The following CACNA1F variants were observed in gnomAD, a reference collection of about 807,000 sequenced individuals.
The protein encoded by CACNA1F is calcium voltage-gated channel subunit alpha1 F.
CACNA1F carries 59 observed loss-of-function variants against 143.8 expected under a neutral mutation model. The ratio of observed to expected loss-of-function variants is 0.41; its 90% CI spans 0.33 to 0.51. CACNA1F has a LOEUF of 0.51. CACNA1F is among the 20% of genes least tolerant of loss of function. The pLI is 0.22. For synonymous variants in CACNA1F, 643 were observed against 649.1 expected (o/e 0.99, Z 0.14); for missense variants, 1,411 against 1,647.5 (o/e 0.86, Z 2.48).
Position 49,226,021 on chromosome X carries a change from C to G in CACNA1F, c.1539G>C (p.Arg513=). ...ANRVLRARCR[R]AVKSNACYWA... is the part of the protein sequence containing the mutation. The stretch of plus-strand genomic sequence containing the variant: ...AGTAGCAGGCATTGGACTTCACTGC[C>G]CGACGGCAGCGTGCCCGAAGGACCC... Residue 513 remains arginine (R), a synonymous_variant, in exon 13 of 48, where the codon CGG becomes CGC. Coordinates refer to ENST00000323022, the MANE Select transcript of CACNA1F (RefSeq NM_001256789.3). 1 of 1,187,255 alleles carries G rather than the reference C, an allele frequency of 8.4e-7. No individual in the cohort carries two copies. The highest frequency in any genetic ancestry group is 1.1e-6 in the Non-Finnish European group (1 of 883,027).
chrX:49,218,605 G>A (rs1404070458), intron 23 of CACNA1F, 24 bp downstream of exon 23: 2 of 1,180,353 alleles, frequency 1.7e-6, no homozygotes, highest in Non-Finnish European at 2.3e-6. Context: ...GAGGAATGGG[G>A]TGGGCTGGGG....
intron 10 of CACNA1F, 54 bp from the exon 11 acceptor site, chrX:49,226,556 T>C: frequency 4.3e-6 from 5 of 1,160,847 alleles, no homozygotes; most frequent in Non-Finnish European, 4.6e-6. Context: ...AGGTCCAATC[T>C]TTGGCTTTCA....
Position 49,210,953 on chromosome X carries a change from T to C in CACNA1F, c.4388+12A>G. On this transcript the variant is annotated intron_variant, in intron 37 of 47. Coordinates refer to ENST00000323022, the MANE Select transcript of CACNA1F (RefSeq NM_001256789.3). The stretch of plus-strand genomic sequence containing the variant: ...GTCCCCTGGATTCTAGGTAAGGGTA[T>C]AGAGGGCATACTTGGCCCCAGGGTC... 8.3e-7 allele frequency: 1 copy of C among 1,202,293 alleles called. No individual in the cohort carries two copies. Among genetic ancestry groups the C allele is most frequent in the Non-Finnish European group, 1.1e-6 (1 of 889,928 alleles).
Position 49,226,669 on chromosome X carries a change from C to T in CACNA1F, c.1310G>A (p.Arg437His), listed in dbSNP as rs782781755. 2.0e-5 allele frequency: 24 copies of T among 1,181,211 alleles called. No homozygotes were observed. In the South Asian group the frequency reaches 3.4e-4, roughly 17 times the overall value. The change falls in exon 10 of 48, where the codon CGT becomes CAT. Residue 437 changes from arginine (R) to histidine (H), a missense_variant. This residue lies in a region of CACNA1F where 950 missense variants were observed against 1,128.1 expected (regional missense o/e 0.84). Transcript: ENST00000323022. Reference sequence around the variant, plus strand: ...ATGACTGAACCAGCGCAGACGTCCACGCCTCCTATTGGTCAGCTCGGCCAG... The same window carrying T: ...ATGACTGAACCAGCGCAGACGTCCATGCCTCCTATTGGTCAGCTCGGCCAG... ...PQLAELTNRR[R>H]GRLRWFSHST...
chrX:49,210,540 A>T (rs782423264), intron 38 of CACNA1F, 50 bp downstream of exon 38: 6 of 1,102,153 alleles, frequency 5.4e-6, no homozygotes, highest in Non-Finnish European at 7.5e-6. Flanking sequence ...CACCCTTGCC[A>T]TGTGATAGAC....
At chrX:49,215,001 CTTAAATGTT>C (rs2065696080) in intron 29 of CACNA1F, 76 bp downstream of exon 29, 1 of 933,918 alleles carries the variant, frequency 1.1e-6, no homozygotes, top group Non-Finnish European at 1.5e-6. Flanking sequence ...TATTTGCAGC[CTTAAATGTT>C]CCCAATGGTT....
At chrX:49,225,204 G>A (rs2065812388) in intron 13 of CACNA1F, among the ~76,000 whole-genome samples, 1 of 109,615 alleles carries the variant, frequency 9.1e-6, no homozygotes, top group African/African-American at 3.3e-5. Context: ...GTCGGGGTGG[G>A]GGCCAGAGTC....
At position 49,218,752 on chromosome X, in the gene CACNA1F, A is replaced by T; in HGVS notation, c.2734-17T>A. 5.1e-6 allele frequency: 4 copies of T among 777,999 alleles called. No homozygotes were observed. The highest frequency in any genetic ancestry group is 6.8e-6 in the Non-Finnish European group (4 of 587,426). The allele number at this position is 777,999 out of a possible 1,213,427, so 64.1% of individuals were successfully genotyped here. ...CACTGTCATCTGGGGACAGGACAAG[A>T]GGCTAGACTCAGACCTGGGGATGGT... is the stretch of plus-strand genomic sequence containing the variant. On this transcript the variant is annotated splice_polypyrimidine_tract_variant and intron_variant, in intron 22 of 47. Transcript: ENST00000323022.
chrX:49,208,022 C>T (rs1312153101), intron 43 of CACNA1F, among the ~76,000 whole-genome samples: 1 of 100,677 alleles, frequency 9.9e-6, no homozygotes, highest in East Asian at 3.1e-4. Context: ...GGCAAAACCT[C>T]GTCTCTACTG....
Position 49,211,110 on chromosome X carries a change from A to G in CACNA1F, c.4261-18T>C, listed in dbSNP as rs1557106140. On this transcript the variant is annotated intron_variant, in intron 36 of 47. Coordinates refer to ENST00000323022, the MANE Select transcript of CACNA1F (RefSeq NM_001256789.3). ...TTTATGATCTGTGGGCCAGTGAGCA[A>G]GGGAGCAGTTAGGTGAAGGGCAGAA... The G allele has an allele frequency of 2.5e-6, 3 of 1,208,861 alleles. No individual in the cohort carries two copies. The highest frequency in any genetic ancestry group is 3.4e-6 in the Non-Finnish European group (3 of 893,137).
chrX:49,205,903 G>A, intron 46 of CACNA1F, 90 bp from the exon 47 acceptor site: 3 of 793,352 alleles, frequency 3.8e-6, no homozygotes, highest in East Asian at 6.9e-5. Flanking sequence ...CTTTCCCTCA[G>A]TATACAACTG....
intron 31 of CACNA1F, among the ~76,000 whole-genome samples, chrX:49,213,230 T>C (rs1356421203): frequency 9.1e-6 from 1 of 110,212 alleles, no homozygotes; most frequent in African/African-American, 3.3e-5. Context: ...TTGGAGCCAA[T>C]AGAGGAAATG....
rs1557109904 is a variant in CACNA1F, at chrX:49,226,394, G to A, written c.1463+15C>T. 1 of 1,176,888 alleles carries A rather than the reference G, an allele frequency of 8.5e-7. No individual in the cohort carries two copies. The highest frequency in any genetic ancestry group is 3.1e-5 in the East Asian group (1 of 32,358). ...GACTGGCTTCTGGGCTGGGTCAGGG[G>A]CTGGGGGCCCTCACAGGCAGCGTGT... On this transcript the variant is annotated intron_variant, in intron 11 of 47. Transcript: ENST00000323022.
chrX:49,215,118 T>C lies in CACNA1F; in HGVS notation c.3565A>G (p.Ile1189Val). 2 of 1,210,822 alleles carry C rather than the reference T, an allele frequency of 1.7e-6. No individual in the cohort carries two copies. Among genetic ancestry groups the C allele is most frequent in the Non-Finnish European group, 2.2e-6 (2 of 894,873 alleles). The change falls in exon 29 of 48, where the codon ATC (isoleucine) becomes GTC (valine). Residue 1189 changes from isoleucine (I) to valine (V), a missense_variant. Transcript: ENST00000323022. Reference sequence around the variant, plus strand: ...GCTAGGGCAACTGTGTTGAGCAGGATGAGCAGGAACATCAGGTACTCAAAG... The same window carrying C: ...GCTAGGGCAACTGTGTTGAGCAGGACGAGCAGGAACATCAGGTACTCAAAG... ...AAFEYLMFLL[I>V]LLNTVALAMQ...
Position 49,223,107 on chromosome X carries a change from G to A in CACNA1F, c.1907C>T (p.Ala636Val). 1 of 1,201,731 alleles carries A rather than the reference G, an allele frequency of 8.3e-7. No homozygotes were observed. Among genetic ancestry groups the A allele is most frequent in the South Asian group, 1.8e-5 (1 of 55,341 alleles). The change falls in exon 15 of 48, where the codon GCA becomes GTA. Residue 636 changes from alanine (A) to valine (V), a missense_variant. This residue lies in a region of CACNA1F where 950 missense variants were observed against 1,128.1 expected (regional missense o/e 0.84). Transcript: ENST00000323022. The part of the protein sequence containing the change: ...RHWASLSNLV[A>V]SLLNSMKSIA... The stretch of plus-strand genomic sequence containing the variant: ...GGATTTCATTGAATTGAGCAGGGAT[G>A]CCACCAGATTGCTCAGAGAAGCCCA...
intron 7 of CACNA1F, 32 bp downstream of exon 7, chrX:49,228,219 C>T (rs782497188): frequency 2.5e-6 from 3 of 1,199,955 alleles, no homozygotes; most frequent in African/African-American, 1.7e-5. Context: ...GCAGGTGCAG[C>T]CTTTGAGCTC....
Position 49,226,705 on chromosome X carries a change from G to A in CACNA1F, c.1277-3C>T. ...GGTCAGCTCGGCCAGCTGTGGCCCT[G>A]CAGGGAGAGAAAGGACAATTAGGGA... On this transcript the variant is annotated splice_region_variant and splice_polypyrimidine_tract_variant and intron_variant, in intron 9 of 47. Transcript: ENST00000323022. The A allele has an allele frequency of 8.5e-7, 1 of 1,170,744 alleles. No homozygotes were observed.
In CACNA1F at chrX:49,205,432, T is replaced by C. The variant is rs2065584324; in HGVS notation, c.5671-65A>G. 6.5e-5 allele frequency: 60 copies of C among 917,564 alleles called. No homozygotes were observed. The South Asian group carries it at 1.2e-3, about 18-fold the overall frequency. 75.6% of individuals were successfully genotyped at this position (917,564 alleles called of 1,213,427 possible). ...GTGTGCACAGAAGGTTCAGTGTGGA[T>C]AAATGACGTGCCCATGAGGGCATGT... On this transcript the variant is annotated intron_variant, in intron 47 of 47. Transcript: ENST00000323022.
At chrX:49,209,217 G>A in intron 42 of CACNA1F, 45 bp downstream of exon 42, 1 of 1,200,960 alleles carries the variant, frequency 8.3e-7, no homozygotes, top group Non-Finnish European at 1.1e-6. Context: ...GATTGACGAA[G>A]TATTTTACAA....
Sources: allele counts gnomAD v4.1 joint callset (sites outside exome capture counted in the v4.1 genomes callset), GRCh38; gene constraint gnomAD v4.1.1; regional missense constraint gnomAD v4.1.1; transcripts MANE v1.5; gene names NCBI Gene and HGNC (gene_info 2026-07-23, HGNC 2026-07-21).